Variants in POU3F4 observed in about 807,000 individuals in gnomAD.
The protein encoded by POU3F4 is POU domain, class 3, transcription factor 4.
In POU3F4, 2 loss-of-function variants were observed where a neutral mutation model predicts 15.2. The observed-to-expected ratio is 0.13, with a 90% CI of 0.05 to 0.42. POU3F4 has a LOEUF of 0.42. POU3F4 is among the 10% of genes least tolerant of loss of function. The pLI is 0.99. For synonymous variants in POU3F4, 158 were observed against 133.3 expected (o/e 1.19, Z -1.28); for missense variants, 220 against 297.0 (o/e 0.74, Z 1.91).
In POU3F4 at chrX:83,509,549, C is replaced by G; in HGVS notation, c.*139C>G. The G allele has an allele frequency of 1.2e-6, 1 of 833,527 alleles. No individual in the cohort carries two copies. 68.7% of individuals were successfully genotyped at this position (833,527 alleles called of 1,213,427 possible). ...TCGCTCGCTCTCTCGTACTCTCTCT[C>G]TTTTCCCTCCTTTCCTTTTTCTTTC... On this transcript the variant is annotated 3_prime_UTR_variant, in exon 1 of 1. Transcript: ENST00000644024.
rs1237720719 is a variant in POU3F4 at position 83,509,575 on chromosome X, C to T, written c.*165C>T. On this transcript the variant is annotated 3_prime_UTR_variant, in exon 1 of 1. Coordinates refer to ENST00000644024, the MANE Select transcript of POU3F4 (RefSeq NM_000307.5). ...TTTTCCCTCCTTTCCTTTTTCTTTC[C>T]TTTCCCCTTTTTCTTTCCCTTCTTT... is the stretch of plus-strand genomic sequence containing the variant. 5.5e-6 allele frequency: 4 copies of T among 733,441 alleles called. No homozygotes were observed. Among genetic ancestry groups the T allele is most frequent in the Admixed American group, 7.9e-5 (2 of 25,333 alleles). 60.4% of individuals were successfully genotyped at this position (733,441 alleles called of 1,213,427 possible).
chrX:83,509,166 A>G lies in POU3F4; in HGVS notation c.842A>G (p.Lys281Arg). ...GCTGCACAGGGCCGCAAGCGCAAGA[A>G]GCGGACCTCCATCGAGGTGAGTGTC... ...KIAAQGRKRK[K>R]RTSIEVSVKG... Residue 281 changes from lysine (K) to arginine (R), a missense_variant, in exon 1 of 1, where the codon AAG becomes AGG. Lys to Arg is a conservative substitution (Grantham distance 26, BLOSUM62 2). Coordinates refer to ENST00000644024, the MANE Select transcript of POU3F4 (RefSeq NM_000307.5). The G allele has an allele frequency of 1.7e-6, 2 of 1,211,770 alleles. No individual in the cohort carries two copies. Among genetic ancestry groups the G allele is most frequent in the Non-Finnish European group, 2.2e-6 (2 of 895,333 alleles).
Position 83,510,563 on chromosome X carries a change from G to C in POU3F4, c.*1153G>C, listed in dbSNP as rs1242486119. ...GCGGCAACTCTGGGCCAAAGAGGTG[G>C]CCTGACAGTCTGGGAGGGCTCCGCA... On this transcript the variant is annotated 3_prime_UTR_variant, in exon 1 of 1. Transcript: ENST00000644024. 1 of 111,584 alleles carries C rather than the reference G, an allele frequency of 9.0e-6. No homozygotes were observed. Among genetic ancestry groups the C allele is most frequent in the Non-Finnish European group, 1.9e-5 (1 of 53,026 alleles). The allele number at this position is 111,584 out of a possible 1,213,427, so 9.2% of individuals were successfully genotyped here.
Position 83,508,768 on chromosome X carries a change from G to C in POU3F4, c.444G>C (p.Gly148=). The C allele has an allele frequency of 1.7e-6, 2 of 1,205,645 alleles. No homozygotes were observed. Among genetic ancestry groups the C allele is most frequent in the African/African-American group, 1.7e-5 (1 of 57,773 alleles). ...GFTVSGMLEH[G]GLTPPPAAAS... ...CCGTGAGCGGCATGCTGGAACACGG[G>C]GGACTCACCCCACCTCCAGCTGCCG... The change falls in exon 1 of 1, where the codon GGG becomes GGC. Residue 148 remains glycine (G), a synonymous_variant. Coordinates refer to ENST00000644024, the MANE Select transcript of POU3F4 (RefSeq NM_000307.5).
rs916289622 is a variant in POU3F4 at position 83,511,092 on chromosome X, C to T, written c.*1682C>T. On this transcript the variant is annotated 3_prime_UTR_variant, in exon 1 of 1. Coordinates refer to ENST00000644024, the MANE Select transcript of POU3F4 (RefSeq NM_000307.5). ...TAAATATATATATATTTTTAAATCT[C>T]TGTGTGTATGTGTCTCTGTGCGTGT... The T allele has an allele frequency of 4.7e-5, 5 of 107,199 alleles. No individual in the cohort carries two copies. The highest frequency in any genetic ancestry group is 7.7e-5 in the Non-Finnish European group (4 of 52,183). The allele number at this position is 107,199 out of a possible 1,213,427, so 8.8% of individuals were successfully genotyped here.
chrX:83,511,302 C>T lies in POU3F4; in HGVS notation c.*1892C>T. 9.0e-6 allele frequency: 1 copy of T among 111,302 alleles called. No homozygotes were observed. The highest frequency in any genetic ancestry group is 1.9e-5 in the Non-Finnish European group (1 of 53,042). The allele number at this position is 111,302 out of a possible 1,213,427, so 9.2% of individuals were successfully genotyped here. A position where few individuals can be genotyped will look rare whatever the true frequency, so the allele number is the denominator to read the frequency against. Reference sequence around the variant, plus strand: ...TCCACACACCAGGTCCACAGGCGAACCTCATTCCCAAGGAGCACACACGTG... The same window carrying T: ...TCCACACACCAGGTCCACAGGCGAATCTCATTCCCAAGGAGCACACACGTG... On this transcript the variant is annotated 3_prime_UTR_variant, in exon 1 of 1. Coordinates refer to ENST00000644024, the MANE Select transcript of POU3F4 (RefSeq NM_000307.5).
chrX:83,509,275 G>A lies in POU3F4; in HGVS notation c.951G>A (p.Leu317=). Residue 317 remains leucine, a synonymous_variant, in exon 1 of 1, where the codon TTG becomes TTA. Transcript: ENST00000644024. ...CCTCGCTGGCAGACAGCCTCCAGTT[G>A]GAGAAGGAAGTGGTGCGTGTCTGGT... ...EISSLADSLQ[L]EKEVVRVWFC... 8.3e-7 allele frequency: 1 copy of A among 1,211,956 alleles called. No individual in the cohort carries two copies. The highest frequency in any genetic ancestry group is 3.0e-5 in the East Asian group (1 of 33,812).
rs1925881757 is a variant in POU3F4 at position 83,510,261 on chromosome X, G to A, written c.*851G>A. 1.9e-5 allele frequency: 2 copies of A among 103,275 alleles called. No homozygotes were observed. Among genetic ancestry groups the A allele is most frequent in the Non-Finnish European group, 3.9e-5 (2 of 51,133 alleles). 8.5% of individuals were successfully genotyped at this position (103,275 alleles called of 1,213,427 possible). On this transcript the variant is annotated 3_prime_UTR_variant, in exon 1 of 1. Coordinates refer to ENST00000644024, the MANE Select transcript of POU3F4 (RefSeq NM_000307.5). ...AAAAGGGAGGAGATGAATGGGAATA[G>A]GCGGGGAGAGAGATGCCTATCTACT...
chrX:83,509,125 C>T lies in POU3F4; in HGVS notation c.801C>T (p.Thr267=). Residue 267 remains threonine (T), a synonymous_variant, in exon 1 of 1, where the codon ACC becomes ACT. Transcript: ENST00000644024. ...CGGATTCGTCCACAGGGAGCCCGACCAGCATTGACAAGATCGCTGCACAGG... is the reference window on the plus strand; with the variant it reads ...CGGATTCGTCCACAGGGAGCCCGACTAGCATTGACAAGATCGCTGCACAGG... The part of the protein sequence containing the change: ...EEADSSTGSP[T]SIDKIAAQGR... 8.3e-7 allele frequency: 1 copy of T among 1,211,652 alleles called. No individual in the cohort carries two copies. Among genetic ancestry groups the T allele is most frequent in the Non-Finnish European group, 1.1e-6 (1 of 895,384 alleles).
Position 83,509,691 on chromosome X carries a change from T to C in POU3F4, c.*281T>C, listed in dbSNP as rs1444751698. On this transcript the variant is annotated 3_prime_UTR_variant, in exon 1 of 1. Transcript: ENST00000644024. The stretch of plus-strand genomic sequence containing the variant: ...TTTCCTTTCCTTTCTTTTCTTTTGC[T>C]TTCCTTTCCTTTTTTTCCCTTTTCT... The C allele has an allele frequency of 2.7e-6, 1 of 375,330 alleles. No homozygotes were observed. The highest frequency in any genetic ancestry group is 4.7e-6 in the Non-Finnish European group (1 of 214,284). 30.9% of individuals were successfully genotyped at this position (375,330 alleles called of 1,213,427 possible). A position where few individuals can be genotyped will look rare whatever the true frequency, so the allele number is the denominator to read the frequency against.
rs762824898 is a variant in POU3F4 at position 83,508,787 on chromosome X, G to C, written c.463G>C (p.Ala155Pro). The change falls in exon 1 of 1, where the codon GCT becomes CCT. Residue 155 changes from alanine to proline, a missense_variant. By Grantham distance (27) the Ala-to-Pro change is conservative (BLOSUM62 -1). Transcript: ENST00000644024. Reference protein sequence around the residue: ...LEHGGLTPPPAAASAQSLHPV... With the variant: ...LEHGGLTPPPPAASAQSLHPV... ...ACACGGGGGACTCACCCCACCTCCA[G>C]CTGCCGCCTCTGCACAGAGCCTGCA... The C allele has an allele frequency of 3.3e-6, 4 of 1,203,570 alleles. No homozygotes were observed. The East Asian group carries it at 1.2e-4, about 36-fold the overall frequency.
Position 83,511,064 on chromosome X carries a change from ATATAAAT to A in POU3F4, c.*1655_*1661del. On this transcript the variant is annotated 3_prime_UTR_variant, in exon 1 of 1. Transcript: ENST00000644024. Reference sequence around the variant, plus strand: ...GGAGGCTGGGTTCCTGCTTTTTAAAATATAAATATATATATATTTTTAAATCTCTGTG... The same window carrying A: ...GGAGGCTGGGTTCCTGCTTTTTAAAAATATATATATTTTTAAATCTCTGTG... 9.2e-6 allele frequency: 1 copy of A among 108,843 alleles called. No individual in the cohort carries two copies. The highest frequency in any genetic ancestry group is 2.9e-4 in the East Asian group (1 of 3,490). 9.0% of individuals were successfully genotyped at this position (108,843 alleles called of 1,213,427 possible).
At position 83,508,720 on chromosome X, in the gene POU3F4, C is replaced by A; in HGVS notation, c.396C>A (p.Asn132Lys). ...PSITSSGQPL[N>K]VYSQPGFTVS... ...TCACGTCAAGCGGCCAACCCCTCAA[C>A]GTGTACTCGCAGCCTGGCTTCACCG... Residue 132 changes from asparagine (N) to lysine (K), a missense_variant, in exon 1 of 1, where the codon AAC (asparagine) becomes AAA (lysine). Around this residue, in one of 5 missense-constraint regions of POU3F4, gnomAD observed 161 missense variants for 154.1 expected, o/e 1.05. Transcript: ENST00000644024. 1 of 1,210,591 alleles carries A rather than the reference C, an allele frequency of 8.3e-7. No homozygotes were observed. The highest frequency in any genetic ancestry group is 1.1e-6 in the Non-Finnish European group (1 of 894,887).
At position 83,508,406 on chromosome X, in the gene POU3F4, G is replaced by A; in HGVS notation, c.82G>A (p.Gly28Arg). The A allele has an allele frequency of 1.7e-6, 2 of 1,211,875 alleles. No homozygotes were observed. The highest frequency in any genetic ancestry group is 2.2e-6 in the Non-Finnish European group (2 of 895,505). ...VHADSAGMQQ[G>R]SPFRNPQKLL... ...TGCGGACTCTGCGGGCATGCAGCAG[G>A]GGAGTCCTTTCCGCAACCCTCAGAA... is the stretch of plus-strand genomic sequence containing the variant. Residue 28 changes from glycine to arginine, a missense_variant, in exon 1 of 1, where the codon GGG becomes AGG. By Grantham distance (125) the Gly-to-Arg change is moderately radical (BLOSUM62 -2). Around this residue, in one of 5 missense-constraint regions of POU3F4, gnomAD observed 161 missense variants for 154.1 expected, o/e 1.05. Transcript: ENST00000644024.
In POU3F4 at chrX:83,508,484, G is replaced by A. The variant is rs1201766058; in HGVS notation, c.160G>A (p.Gly54Arg). 5.8e-6 allele frequency: 7 copies of A among 1,206,467 alleles called. No individual in the cohort carries two copies. In the Admixed American group the frequency reaches 1.3e-4, roughly 23 times the overall value. The change falls in exon 1 of 1, where the codon GGG becomes AGG. Residue 54 changes from glycine (G) to arginine (R), a missense_variant. This residue lies in a region of POU3F4 where 161 missense variants were observed against 154.1 expected (regional missense o/e 1.05). Transcript: ENST00000644024. ...AGTTCCCAGCAATGGGCATCCCCTC[G>A]GGCATCACTGGGTGACCAGTCTGAG... is the stretch of plus-strand genomic sequence containing the variant. Reference protein sequence around the residue: ...QGVPSNGHPLGHHWVTSLSDG... With the variant: ...QGVPSNGHPLRHHWVTSLSDG...
chrX:83,508,814 C>T lies in POU3F4; in HGVS notation c.490C>T (p.Pro164Ser), dbSNP rs763166620. ...PAAASAQSLH[P>S]VLREPPDHGE... is the part of the protein sequence containing the mutation. ...TGCCGCCTCTGCACAGAGCCTGCAC[C>T]CGGTGCTCCGAGAGCCCCCGGATCA... The change falls in exon 1 of 1, where the codon CCG (proline) becomes TCG (serine). Residue 164 changes from proline (P) to serine (S), a missense_variant. Pro to Ser is a moderately conservative substitution (Grantham distance 74). Transcript: ENST00000644024. The T allele has an allele frequency of 2.1e-5, 25 of 1,205,023 alleles. No individual in the cohort carries two copies. Among genetic ancestry groups the T allele is most frequent in the Non-Finnish European group, 2.4e-5 (21 of 892,358 alleles).
At position 83,511,442 on chromosome X, in the gene POU3F4, G is replaced by T. The variant is rs774461795; in HGVS notation, c.*2032G>T. The T allele has an allele frequency of 8.9e-6, 1 of 112,280 alleles. No homozygotes were observed. Among genetic ancestry groups the T allele is most frequent in the East Asian group, 2.8e-4 (1 of 3,541 alleles). 9.3% of individuals were successfully genotyped at this position (112,280 alleles called of 1,213,427 possible). A position where few individuals can be genotyped will look rare whatever the true frequency, so the allele number is the denominator to read the frequency against. ...TTTAGGCGCAGCTGCTGTAGACAAA[G>T]CTTCAAACTACCTAAGGACCAGAAA... On this transcript the variant is annotated 3_prime_UTR_variant, in exon 1 of 1. Transcript: ENST00000644024.
rs1034785999 is a variant in POU3F4, at chrX:83,511,578, G to A, written c.*2168G>A. The A allele has an allele frequency of 1.8e-5, 2 of 112,371 alleles. No individual in the cohort carries two copies. Among genetic ancestry groups the A allele is most frequent in the African/African-American group, 6.5e-5 (2 of 30,879 alleles). 9.3% of individuals were successfully genotyped at this position (112,371 alleles called of 1,213,427 possible). On this transcript the variant is annotated 3_prime_UTR_variant, in exon 1 of 1. Transcript: ENST00000644024. Reference sequence around the variant, plus strand: ...AGAGCATGTGTTAATTCAAATCCCGGACCCTTCTACTTTTTTGTCAAGTCT... The same window carrying A: ...AGAGCATGTGTTAATTCAAATCCCGAACCCTTCTACTTTTTTGTCAAGTCT...
In POU3F4 at chrX:83,510,293, C is replaced by A. The variant is rs781769205; in HGVS notation, c.*883C>A. ...AGAGAGATGCCTATCTACTCACCGC[C>A]CCCCCCCTTCCCAAATCTCTATGAG... On this transcript the variant is annotated 3_prime_UTR_variant, in exon 1 of 1. Transcript: ENST00000644024. 9.4e-6 allele frequency: 1 copy of A among 106,407 alleles called. No homozygotes were observed. Among genetic ancestry groups the A allele is most frequent in the African/African-American group, 3.4e-5 (1 of 29,220 alleles). The allele number at this position is 106,407 out of a possible 1,213,427, so 8.8% of individuals were successfully genotyped here.
Sources: allele counts gnomAD v4.1 joint callset, GRCh38; gene constraint gnomAD v4.1.1; regional missense constraint gnomAD v4.1.1; transcripts MANE v1.5; gene names NCBI Gene and HGNC (gene_info 2026-07-23, HGNC 2026-07-21).